Variants in MRPL45 observed in about 807,000 individuals in gnomAD.
MRPL45 encodes the protein mitochondrial ribosomal protein L45.
Under a neutral mutation model 38.1 loss-of-function variants are expected in MRPL45, and 20 were observed. That is an observed-to-expected ratio of 0.53 (90% CI 0.37 to 0.76). The LOEUF (loss-of-function observed/expected upper bound fraction) is 0.76. MRPL45 is among the 30% of genes least tolerant of loss of function. MRPL45 has a pLI of 0.00. For missense variants in MRPL45, 337 were observed against 395.6 expected (o/e 0.85, Z 1.26); for synonymous variants, 105 against 128.8 (o/e 0.82, Z 1.25).
intron 3 of MRPL45, among the ~76,000 whole-genome samples, chr17:38,304,646 C>T (rs1326242804): frequency 2.6e-5 from 4 of 151,924 alleles, no homozygotes; most frequent in East Asian, 1.9e-4. Flanking sequence ...TGGGTTCAAA[C>T]AATTTTCCTG....
intron 4 of MRPL45, among the ~76,000 whole-genome samples, chr17:38,309,854 A>G (rs1441279404): frequency 6.6e-6 from 1 of 152,038 alleles, no homozygotes; most frequent in Non-Finnish European, 1.5e-5. Flanking sequence ...GTCAGAACTC[A>G]TCTCTTCAGA....
intron 3 of MRPL45, among the ~76,000 whole-genome samples, chr17:38,306,186 G>T (rs916596365): frequency 1.3e-5 from 2 of 151,678 alleles, no homozygotes; most frequent in African/African-American, 4.8e-5. Context: ...GAGGCGGGCG[G>T]ATCCTGAGGT....
At chr17:38,297,318 C>G (rs1378443309) in intron 1 of MRPL45, 69 bp downstream of exon 1, 1 of 1,439,042 alleles carries the variant, frequency 6.9e-7, no homozygotes, top group African/African-American at 1.4e-5. Context: ...GAAATACTCT[C>G]TGTGCAATTG....
At chr17:38,301,045 T>C (rs2036990495) in intron 3 of MRPL45, among the ~76,000 whole-genome samples, 1 of 152,206 alleles carries the variant, frequency 6.6e-6, no homozygotes, top group Non-Finnish European at 1.5e-5. Flanking sequence ...CCAGATATCT[T>C]CAGTGGTATA....
At chr17:38,321,484 A>G (rs1248723017) in intron 6 of MRPL45, among the ~76,000 whole-genome samples, 8 of 151,256 alleles carry the variant, frequency 5.3e-5, no homozygotes, top group Non-Finnish European at 1.2e-4. Flanking sequence ...CAAGGTCAGG[A>G]GTTCAAGACC....
intron 4 of MRPL45, among the ~76,000 whole-genome samples, chr17:38,317,213 G>T (rs2037183142): frequency 6.6e-6 from 1 of 152,222 alleles, no homozygotes. Context: ...TGCCAGGATA[G>T]TGGGGAGGAA....
chr17:38,310,798 A>T (rs531426593), intron 4 of MRPL45, among the ~76,000 whole-genome samples: 1 of 151,830 alleles, frequency 6.6e-6, no homozygotes, highest in East Asian at 1.9e-4. Context: ...TAATTTTTAA[A>T]TTTTTTGTAG....
At chr17:38,308,993 G>C (rs532222150) in intron 4 of MRPL45, among the ~76,000 whole-genome samples, 1 of 151,078 alleles carries the variant, frequency 6.6e-6, no homozygotes, top group African/African-American at 2.4e-5. Context: ...TGCAACCTCC[G>C]CCTCCCAGTT....
intron 4 of MRPL45, among the ~76,000 whole-genome samples, chr17:38,317,658 G>A (rs1484333280): frequency 6.6e-6 from 1 of 151,762 alleles, no homozygotes; most frequent in Non-Finnish European, 1.5e-5. Flanking sequence ...CGCAACCTCC[G>A]CCTCCCGGGT....
chr17:38,318,616 G>T, intron 4 of MRPL45, 71 bp from the exon 5 acceptor site: 1 of 1,116,972 alleles, frequency 9.0e-7, no homozygotes, highest in African/African-American at 1.6e-5. Context: ...CCATTTTCAG[G>T]ACCATTTTCA....
intron 3 of MRPL45, among the ~76,000 whole-genome samples, chr17:38,305,725 C>T (rs1012740376): frequency 2.6e-4 from 40 of 151,488 alleles, no homozygotes; most frequent in African/African-American, 9.2e-4. Context: ...TCACTGCAAC[C>T]TCTGCCTCCT....
chr17:38,319,830 C>A (rs1364765605), intron 5 of MRPL45, among the ~76,000 whole-genome samples: 1 of 152,120 alleles, frequency 6.6e-6, no homozygotes, highest in Admixed American at 6.6e-5. Context: ...GGGCCGGGTG[C>A]GGTGGCTCAC....
chr17:38,315,421 AT>A (rs78081464), intron 4 of MRPL45, among the ~76,000 whole-genome samples: 5,345 of 141,846 alleles, frequency 0.038, 295 homozygotes, highest in African/African-American at 0.12. Flanking sequence ...CACCTGGCTA[AT>A]TTTTTTTTTT....
intron 5 of MRPL45, 126 bp from the exon 6 acceptor site, chr17:38,320,492 G>T: frequency 1.1e-6 from 1 of 940,978 alleles, no homozygotes; most frequent in Non-Finnish European, 1.6e-6. Context: ...AGGCACAAGA[G>T]AGCATGTGGT....
chr17:38,315,437 T>C (rs1456108289), intron 4 of MRPL45, among the ~76,000 whole-genome samples: 1 of 150,826 alleles, frequency 6.6e-6, no homozygotes, highest in Non-Finnish European at 1.5e-5. Flanking sequence ...TTTTTTTTTT[T>C]CTAATTTTTT....
chr17:38,313,354 A>ATATATATACG (rs2037142265), intron 4 of MRPL45, among the ~76,000 whole-genome samples: 8 of 18,982 alleles, frequency 4.2e-4, no homozygotes, highest in African/African-American at 1.8e-3. Flanking sequence ...ATACGTATAT[A>ATATATATACG]TATATATATA....
At chr17:38,305,716 C>G (rs1232806999) in intron 3 of MRPL45, among the ~76,000 whole-genome samples, 1 of 149,338 alleles carries the variant, frequency 6.7e-6, no homozygotes, top group Non-Finnish European at 1.5e-5. Flanking sequence ...GATCTCTGCT[C>G]ACTGCAACCT....
chr17:38,311,271 C>T (rs2037108959), intron 4 of MRPL45, among the ~76,000 whole-genome samples: 1 of 152,122 alleles, frequency 6.6e-6, no homozygotes, highest in South Asian at 2.1e-4. Context: ...TTAGTGTCTC[C>T]TGAAAATTCA....
chr17:38,320,550 G>C (rs899384854), intron 5 of MRPL45, 68 bp from the exon 6 acceptor site: 1 of 1,541,732 alleles, frequency 6.5e-7, no homozygotes, highest in African/African-American at 1.4e-5. Context: ...AGTGAGAGCA[G>C]TGTGGCAGCA....
Sources: gnomAD v4.1 joint callset for allele counts (sites outside exome capture counted in the v4.1 genomes callset) on GRCh38, gnomAD v4.1.1 for gene constraint, MANE v1.5 for transcripts, NCBI Gene and HGNC (gene_info 2026-07-23, HGNC 2026-07-21) for gene names.